The following NOL4 variants were observed in gnomAD, a reference collection of about 807,000 sequenced individuals.
NOL4 encodes the protein cancer/testis antigen 125.
NOL4 carries 17 observed loss-of-function variants against 75.9 expected under a neutral mutation model. The observed-to-expected ratio is 0.22, with a 90% CI of 0.15 to 0.34. The LOEUF (loss-of-function observed/expected upper bound fraction) is 0.34, where lower values mean the gene tolerates loss of function less well. Among genes scored for constraint, NOL4 ranks in the 10% least tolerant of loss-of-function variants. NOL4 has a pLI of 1.00. For missense variants in NOL4, 614 were observed against 793.5 expected (o/e 0.77, Z 2.72); for synonymous variants, 292 against 289.9 (o/e 1.01, Z -0.07).
chr18:34,093,396 T>C, intron 5 of NOL4, 69 bp downstream of exon 5: 1 of 1,431,744 alleles, frequency 7.0e-7, no homozygotes, highest in Non-Finnish European at 9.4e-7. Context: ...GAGGTAGTTG[T>C]TGTTTCCATG....
intron 10 of NOL4, among the ~76,000 whole-genome samples, chr18:33,877,731 A>G (rs1250275643): frequency 6.6e-6 from 1 of 152,030 alleles, no homozygotes; most frequent in Non-Finnish European, 1.5e-5. Context: ...AAACACTTAT[A>G]TGCCTGCATA....
chr18:34,162,796 A>C (rs1468051285), intron 1 of NOL4, among the ~76,000 whole-genome samples: 2 of 152,166 alleles, frequency 1.3e-5, no homozygotes, highest in Non-Finnish European at 2.9e-5. Flanking sequence ...CAAAAAAGAG[A>C]ATTTTAGACC....
At chr18:34,032,227 G>C (rs953396220) in intron 5 of NOL4, among the ~76,000 whole-genome samples, 2 of 152,186 alleles carry the variant, frequency 1.3e-5, no homozygotes, top group Non-Finnish European at 2.9e-5. Context: ...ACCAGGCTAG[G>C]CTGCTGCCAC....
chr18:34,204,664 T>C (rs954003666), intron 1 of NOL4, among the ~76,000 whole-genome samples: 3 of 152,154 alleles, frequency 2.0e-5, no homozygotes, highest in Non-Finnish European at 2.9e-5. Flanking sequence ...TTTTTCTGAA[T>C]TGTTTCATAG....
intron 1 of NOL4, among the ~76,000 whole-genome samples, chr18:34,147,399 T>C (rs1470216715): frequency 6.6e-6 from 1 of 152,122 alleles, no homozygotes; most frequent in African/African-American, 2.4e-5. Flanking sequence ...CATCAATACC[T>C]AGTTTATTGA....
chr18:34,168,526 G>C (rs564767120), intron 1 of NOL4, among the ~76,000 whole-genome samples: 61 of 151,002 alleles, frequency 4.0e-4, no homozygotes, highest in African/African-American at 1.4e-3. Flanking sequence ...CTAGTAAATT[G>C]GAAGATGAGT....
At chr18:34,110,864 C>A (rs1033588329) in intron 2 of NOL4, among the ~76,000 whole-genome samples, 3 of 151,894 alleles carry the variant, frequency 2.0e-5, no homozygotes, top group Non-Finnish European at 2.9e-5. Context: ...GATACAAAAT[C>A]AGCTGAATGT....
At chr18:34,035,199 C>T (rs1313106814) in intron 5 of NOL4, among the ~76,000 whole-genome samples, 1 of 152,108 alleles carries the variant, frequency 6.6e-6, no homozygotes, top group Non-Finnish European at 1.5e-5. Context: ...TTCTCCAGGA[C>T]CTACTATATG....
At chr18:33,939,604 A>T (rs1486900402) in intron 9 of NOL4, among the ~76,000 whole-genome samples, 1 of 151,864 alleles carries the variant, frequency 6.6e-6, no homozygotes, top group Non-Finnish European at 1.5e-5. Context: ...AATGCTTGTG[A>T]TTTTTTGCAC....
At chr18:34,159,959 G>C (rs2031199763) in intron 1 of NOL4, among the ~76,000 whole-genome samples, 1 of 152,106 alleles carries the variant, frequency 6.6e-6, no homozygotes, top group Admixed American at 6.5e-5. Flanking sequence ...GTCATCCCTG[G>C]CCAGGTAAAC....
intron 1 of NOL4, among the ~76,000 whole-genome samples, chr18:34,150,785 TAGTC>T (rs1423844402): frequency 6.6e-6 from 1 of 151,480 alleles, no homozygotes; most frequent in South Asian, 2.1e-4. Context: ...ATGAAAGACA[TAGTC>T]AAGAGAGGGA....
intron 1 of NOL4, among the ~76,000 whole-genome samples, chr18:34,134,556 A>G (rs1471453637): frequency 6.6e-6 from 1 of 151,916 alleles, no homozygotes; most frequent in Non-Finnish European, 1.5e-5. Context: ...AATAGCTGGA[A>G]ACGTAAAAGC....
chr18:33,887,138 A>G (rs2064783845), intron 9 of NOL4, among the ~76,000 whole-genome samples: 1 of 144,508 alleles, frequency 6.9e-6, no homozygotes, highest in South Asian at 2.1e-4. Flanking sequence ...ATCTAGATAT[A>G]TCTATATCTA....
chr18:34,209,166 C>A (rs2036331999), intron 1 of NOL4, among the ~76,000 whole-genome samples: 1 of 146,648 alleles, frequency 6.8e-6, no homozygotes, highest in Non-Finnish European at 1.5e-5. Flanking sequence ...TGCACTCCAG[C>A]CTGGGCGGCA....
At chr18:34,069,268 T>C (rs1012392439) in intron 5 of NOL4, among the ~76,000 whole-genome samples, 5 of 152,150 alleles carry the variant, frequency 3.3e-5, no homozygotes, top group Non-Finnish European at 7.4e-5. Flanking sequence ...ATTGGATCCC[T>C]TTTACAAAAG....
At chr18:34,135,675 G>T in intron 1 of NOL4, among the ~76,000 whole-genome samples, 1 of 115,104 alleles carries the variant, frequency 8.7e-6, no homozygotes, top group East Asian at 3.1e-4. Flanking sequence ...TCCAGCCTGG[G>T]CGACAGAGTG....
At chr18:34,044,020 T>A (rs1382829118) in intron 5 of NOL4, among the ~76,000 whole-genome samples, 11 of 151,884 alleles carry the variant, frequency 7.2e-5, no homozygotes, top group Non-Finnish European at 1.6e-4. Context: ...TGCTCATTCT[T>A]CTCACTTTAC....
intron 5 of NOL4, among the ~76,000 whole-genome samples, chr18:34,083,655 T>C (rs1334521661): frequency 6.6e-6 from 1 of 152,178 alleles, no homozygotes; most frequent in Non-Finnish European, 1.5e-5. Context: ...ACTTAAATAA[T>C]GTTGCAGAAC....
At chr18:34,209,196 A>G (rs1397302399) in intron 1 of NOL4, among the ~76,000 whole-genome samples, 1 of 134,844 alleles carries the variant, frequency 7.4e-6, no homozygotes, top group Non-Finnish European at 1.5e-5. Context: ...TCTGTCTCCA[A>G]AAAAAAAAAA....
Sources: allele counts gnomAD v4.1 joint callset (sites outside exome capture counted in the v4.1 genomes callset), GRCh38; gene constraint gnomAD v4.1.1; transcripts MANE v1.5; gene names NCBI Gene and HGNC (gene_info 2026-07-23, HGNC 2026-07-21).